TAFA1: variants seen among roughly 807,000 people sequenced by gnomAD.
TAFA1 encodes the protein TAFA chemokine like family member 1.
Under a neutral mutation model 18.5 loss-of-function variants are expected in TAFA1, and 4 were observed. The ratio of observed to expected loss-of-function variants is 0.22; its 90% confidence interval spans 0.11 to 0.49. The LOEUF (loss-of-function observed/expected upper bound fraction) is 0.49, where lower values mean the gene tolerates loss of function less well. TAFA1 is among the 20% of genes least tolerant of loss of function. TAFA1 has a pLI of 0.98. For missense variants in TAFA1, 147 were observed against 169.0 expected, an observed-to-expected ratio of 0.87 and a Z score of 0.72; for synonymous variants, 56 against 55.2, an observed-to-expected ratio of 1.01 and a Z score of -0.06.
At chr3:68,094,867 A>G (rs1349943871) in intron 2 of TAFA1, among the ~76,000 whole-genome samples, 2 of 152,182 alleles carry the variant, frequency 1.3e-5, no homozygotes, top group African/African-American at 4.8e-5. Context: ...GGGAGAAAAA[A>G]GAAATTGAAC....
intron 2 of TAFA1, among the ~76,000 whole-genome samples, chr3:68,169,477 G>A (rs1371794184): frequency 1.3e-5 from 2 of 152,202 alleles, no homozygotes; most frequent in Non-Finnish European, 2.9e-5. Context: ...CAGAAACCAT[G>A]CAGCAATAGC....
chr3:68,007,742 C>T (rs1353448752), intron 2 of TAFA1, among the ~76,000 whole-genome samples: 1 of 151,754 alleles, frequency 6.6e-6, no homozygotes, highest in African/African-American at 2.4e-5. Context: ...CCATCAATGG[C>T]CTCCTCCCCC....
chr3:68,135,585 T>C (rs532109266), intron 2 of TAFA1, among the ~76,000 whole-genome samples: 1 of 152,322 alleles, frequency 6.6e-6, no homozygotes, highest in African/African-American at 2.4e-5. Flanking sequence ...AACCACCATC[T>C]CATAGGGTTG....
At chr3:68,370,951 A>G (rs2069695204) in intron 2 of TAFA1, among the ~76,000 whole-genome samples, 1 of 152,004 alleles carries the variant, frequency 6.6e-6, no homozygotes, top group Non-Finnish European at 1.5e-5. Context: ...TTCTACATTT[A>G]ACTGTTTTTG....
chr3:68,040,285 C>G (rs1705136755), intron 2 of TAFA1, among the ~76,000 whole-genome samples: 2 of 152,116 alleles, frequency 1.3e-5, no homozygotes, highest in Admixed American at 1.3e-4. Context: ...TGAAACTGCT[C>G]CTATTCCCTT....
intron 2 of TAFA1, among the ~76,000 whole-genome samples, chr3:68,081,876 T>C (rs369383381): frequency 6.6e-6 from 1 of 152,168 alleles, no homozygotes; most frequent in African/African-American, 2.4e-5. Context: ...GTTTACCTAA[T>C]CAAGCCTGGG....
intron 2 of TAFA1, among the ~76,000 whole-genome samples, chr3:68,114,137 C>G (rs753968267): frequency 1.3e-5 from 2 of 151,862 alleles, no homozygotes; most frequent in Non-Finnish European, 2.9e-5. Context: ...ACAGATCTCT[C>G]CGTGCCCTTA....
intron 2 of TAFA1, among the ~76,000 whole-genome samples, chr3:68,261,930 C>A (rs1365619888): frequency 2.7e-5 from 4 of 148,724 alleles, no homozygotes; most frequent in Non-Finnish European, 3.0e-5. Context: ...AATAAAATTA[C>A]AAAAAAAAGA....
At chr3:68,254,105 C>CTATGTATGTATGTATGTATGTATGTATG (rs60606466) in intron 2 of TAFA1, among the ~76,000 whole-genome samples, 3 of 145,096 alleles carry the variant, frequency 2.1e-5, no homozygotes, top group East Asian at 2.2e-4. Flanking sequence ...ATCTACCTGT[C>CTATGTATGTATGTATGTATGTATGTATG]TATGTATGTA....
chr3:68,438,663 C>A (rs1227691814), intron 3 of TAFA1, among the ~76,000 whole-genome samples: 1 of 152,152 alleles, frequency 6.6e-6, no homozygotes, highest in Non-Finnish European at 1.5e-5. Flanking sequence ...GGTGGCTCCA[C>A]CCCAGTGATA....
intron 2 of TAFA1, among the ~76,000 whole-genome samples, chr3:68,083,367 A>C (rs1367404888): frequency 1.3e-5 from 2 of 152,220 alleles, no homozygotes; most frequent in African/African-American, 2.4e-5. Flanking sequence ...TTTTCTATAG[A>C]TTTTATGTGA....
chr3:68,205,976 A>T (rs2066521749), intron 2 of TAFA1, among the ~76,000 whole-genome samples: 1 of 151,904 alleles, frequency 6.6e-6, no homozygotes, highest in Non-Finnish European at 1.5e-5. Flanking sequence ...ACCATGACAT[A>T]GTCACCCCCG....
intron 2 of TAFA1, among the ~76,000 whole-genome samples, chr3:68,177,294 G>A (rs1167751215): frequency 6.6e-6 from 1 of 152,146 alleles, no homozygotes; most frequent in Non-Finnish European, 1.5e-5. Context: ...CAACATTAAT[G>A]ATCAGAGAAG....
At chr3:67,999,797 CTT>C (rs5849795), upstream of TAFA1, among the ~76,000 whole-genome samples, 69 of 143,030 alleles carry the variant, frequency 4.8e-4, no homozygotes, top group African/African-American at 1.1e-3. Flanking sequence ...TCTTTCCTTT[CTT>C]TTTTTTTTTT....
At chr3:67,998,381 C>T in the TAFA1 span, among the ~76,000 whole-genome samples, 8 of 152,292 alleles carry the variant, frequency 5.3e-5, no homozygotes, top group South Asian at 2.1e-4. Context: ...CCATTATTAT[C>T]CTAATTCTCC....
chr3:68,293,019 AC>A (rs1248726695), intron 2 of TAFA1, among the ~76,000 whole-genome samples: 1 of 148,456 alleles, frequency 6.7e-6, no homozygotes, highest in Non-Finnish European at 1.5e-5. Flanking sequence ...CCTTTTTTAG[AC>A]TGTTAGTATA....
chr3:68,129,556 C>A (rs114324821), intron 2 of TAFA1, among the ~76,000 whole-genome samples: 1 of 152,122 alleles, frequency 6.6e-6, no homozygotes, highest in Non-Finnish European at 1.5e-5. Flanking sequence ...ATTCTGAGAC[C>A]AATGCCTTAT....
At position 68,217,580 on chromosome 3, in the gene TAFA1, A is replaced by G. The variant is rs189779645; in HGVS notation, c.119-199700A>G. Among the ~76,000 whole-genome samples, 165 of 152,144 alleles carry G rather than the reference A, an allele frequency of 1.1e-3. 1 individual carries two copies. Among genetic ancestry groups the G allele is most frequent in the African/African-American group, 3.6e-3 (149 of 41,518 alleles). ...ATGGACTTTATTTAGTTAATAATAT[A>G]TTGAAATTGAATCATTAATTGTAAG... On this transcript the variant is annotated intron_variant, in intron 2 of 4. Coordinates refer to ENST00000478136, the MANE Select transcript of TAFA1 (RefSeq NM_213609.4).
At chr3:68,027,014 G>A (rs549068296) in intron 2 of TAFA1, among the ~76,000 whole-genome samples, 1 of 152,162 alleles carries the variant, frequency 6.6e-6, no homozygotes, top group South Asian at 2.1e-4. Context: ...GGAAGAGAGA[G>A]AGGGGGGAGG....
Sources: allele counts gnomAD v4.1 joint callset (sites outside exome capture counted in the v4.1 genomes callset), GRCh38; gene constraint gnomAD v4.1.1; transcripts MANE v1.5; gene names NCBI Gene and HGNC (gene_info 2026-07-23, HGNC 2026-07-21).